Variants in LPA observed in about 807,000 individuals in gnomAD.
LPA encodes the protein apolipoprotein(a).
Under a neutral mutation model 197.9 loss-of-function variants are expected in LPA, and 199 were observed. That is an observed-to-expected ratio of 1.01 (90% CI 0.90 to 1.13). The LOEUF (loss-of-function observed/expected upper bound fraction) is 1.13, where lower values mean the gene tolerates loss of function less well. LPA is among the 50% of genes most tolerant of loss of function. The pLI is 0.00. For missense variants in LPA, 1,853 were observed against 1,785.8 expected (o/e 1.04, Z -0.68); for synonymous variants, 715 against 639.5 (o/e 1.12, Z -1.78).
intron 14 of LPA, among the ~76,000 whole-genome samples, chr6:160,615,256 A>T (rs1779571667): frequency 1.5e-5 from 2 of 137,674 alleles, no homozygotes; most frequent in African/African-American, 2.9e-5. Flanking sequence ...GGCTCGCTTA[A>T]TTTTATATTT....
intron 28 of LPA, among the ~76,000 whole-genome samples, chr6:160,565,708 C>T (rs997477123): frequency 1.3e-4 from 20 of 152,224 alleles, no homozygotes; most frequent in African/African-American, 3.6e-4. Flanking sequence ...AGGCTTCAGA[C>T]GATCTGTAAT....
intron 30 of LPA, among the ~76,000 whole-genome samples, chr6:160,553,954 T>TGTGTGTGTGTGTGTGCGCGCGC (rs771903485): frequency 7.6e-6 from 1 of 130,748 alleles, no homozygotes; most frequent in African/African-American, 3.0e-5. Flanking sequence ...TGTGTGTGTG[T>TGTGTGTGTGTGTGTGCGCGCGC]GCGCGCGCGC....
At chr6:160,544,165 T>C (rs1778026912) in intron 33 of LPA, among the ~76,000 whole-genome samples, 1 of 152,088 alleles carries the variant, frequency 6.6e-6, no homozygotes. Flanking sequence ...CAGGCACTAC[T>C]GTGGGTGTTT....
intron 1 of LPA, among the ~76,000 whole-genome samples, chr6:160,658,342 C>A (rs1780165563): frequency 6.6e-6 from 1 of 152,152 alleles, no homozygotes; most frequent in African/African-American, 2.4e-5. Flanking sequence ...TGCAGATCAG[C>A]TACTCGCATG....
chr6:160,586,573 A>G lies in LPA; in HGVS notation c.4005T>C (p.Tyr1335=). The change falls in exon 25 of 39, where the codon TAT becomes TAC. Residue 1335 remains tyrosine, a synonymous_variant. Transcript: ENST00000316300. Reference sequence around the variant, plus strand: ...CCCATCTGACACTGGGATCCATGGTATAACACCAAGGGCGAATCTCAGCAT... The same window carrying G: ...CCCATCTGACACTGGGATCCATGGTGTAACACCAAGGGCGAATCTCAGCAT... ...NPDAEIRPWC[Y]TMDPSVRWEY... is the part of the protein sequence containing the mutation. The G allele has an allele frequency of 6.2e-7, 1 of 1,613,808 alleles. No homozygotes were observed. The highest frequency in any genetic ancestry group is 8.5e-7 in the Non-Finnish European group (1 of 1,179,808).
chr6:160,594,390 C>G (rs1275697980), intron 21 of LPA, among the ~76,000 whole-genome samples: 1 of 152,188 alleles, frequency 6.6e-6, no homozygotes, highest in Non-Finnish European at 1.5e-5. Flanking sequence ...TGTGCATGCT[C>G]TTTAATATAG....
intron 20 of LPA, among the ~76,000 whole-genome samples, chr6:160,598,968 G>A (rs566301145): frequency 5.3e-5 from 8 of 152,222 alleles, no homozygotes; most frequent in East Asian, 3.9e-4. Context: ...TTGTCATCCC[G>A]GCTGTTTTAT....
chr6:160,598,289 T>C (rs1377324674), intron 20 of LPA, among the ~76,000 whole-genome samples: 1 of 152,218 alleles, frequency 6.6e-6, no homozygotes, highest in Non-Finnish European at 1.5e-5. Flanking sequence ...AGGAGACTTC[T>C]ATGCCTGGAG....
chr6:160,588,256 GT>G (rs201471654), intron 24 of LPA, among the ~76,000 whole-genome samples: 377 of 149,604 alleles, frequency 2.5e-3, no homozygotes, highest in African/African-American at 8.4e-3. Flanking sequence ...GGGGGGTTGA[GT>G]TTTTTTTTTC....
intron 28 of LPA, among the ~76,000 whole-genome samples, chr6:160,571,078 A>G (rs954868350): frequency 9.9e-5 from 15 of 151,900 alleles, no homozygotes; most frequent in African/African-American, 3.6e-4. Context: ...TTCATTCTTT[A>G]TTCCTTAATC....
chr6:160,559,523 A>G (rs1386686951), intron 28 of LPA, among the ~76,000 whole-genome samples: 1 of 152,244 alleles, frequency 6.6e-6, no homozygotes, highest in Non-Finnish European at 1.5e-5. Context: ...CTTGGGATAA[A>G]GATTCAGGAA....
At chr6:160,663,810 G>C (rs2115116521) in intron 1 of LPA, among the ~76,000 whole-genome samples, 1 of 152,348 alleles carries the variant, frequency 6.6e-6, no homozygotes, top group Admixed American at 6.5e-5. Flanking sequence ...CACCTGAACA[G>C]AGATGATATA....
At chr6:160,594,200 C>T (rs1779087202) in intron 21 of LPA, 83 bp from the exon 22 acceptor site, 5 of 1,546,646 alleles carry the variant, frequency 3.2e-6, no homozygotes, top group Non-Finnish European at 4.5e-6. Context: ...GAAACAGGAT[C>T]ATTGTCTCTG....
intron 30 of LPA, among the ~76,000 whole-genome samples, chr6:160,551,953 A>C (rs1778173667): frequency 7.0e-6 from 1 of 143,448 alleles, no homozygotes; most frequent in African/African-American, 2.6e-5. Context: ...TCATTCCATC[A>C]TCCAGGCTGG....
At chr6:160,654,348 T>C (rs1463154492) in intron 1 of LPA, among the ~76,000 whole-genome samples, 2 of 149,648 alleles carry the variant, frequency 1.3e-5, no homozygotes, top group Non-Finnish European at 2.9e-5. Flanking sequence ...CTGGCCACAC[T>C]GGAACTTGAT....
rs1046237317 is a variant in LPA at position 160,557,633 on chromosome 6, C to A, written c.4632-62G>T. ...GGAAAAAATTCAGGGGCACCCAGCG[C>A]TGTCTAAACTTTGTTATAACAAAGT... On this transcript the variant is annotated intron_variant, in intron 28 of 38. Transcript: ENST00000316300. 15 of 1,398,914 alleles carry A rather than the reference C, an allele frequency of 1.1e-5. No homozygotes were observed. In the African/African-American group the frequency reaches 2.0e-4, roughly 18 times the overall value. The allele number at this position is 1,398,914 out of a possible 1,614,324, so 86.7% of individuals were successfully genotyped here. A position where few individuals can be genotyped will look rare whatever the true frequency, so the allele number is the denominator to read the frequency against.
At chr6:160,576,127 T>C (rs1250582131) in intron 28 of LPA, among the ~76,000 whole-genome samples, 2 of 151,916 alleles carry the variant, frequency 1.3e-5, no homozygotes, top group Non-Finnish European at 2.9e-5. Flanking sequence ...TCATATATTT[T>C]ATAGTCATTT....
chr6:160,590,811 C>T (rs911236061), intron 23 of LPA, 133 bp downstream of exon 23: 13 of 1,273,416 alleles, frequency 1.0e-5, no homozygotes, highest in South Asian at 9.0e-5. Flanking sequence ...GCTGAGGCTT[C>T]CTTCCCATTG....
intron 37 of LPA, 139 bp downstream of exon 37, chr6:160,537,716 A>C: frequency 1.3e-6 from 1 of 760,392 alleles, no homozygotes; most frequent in South Asian, 1.5e-5. Flanking sequence ...AGACATAGAC[A>C]GGTGTCCAGG....
Sources: gnomAD v4.1 joint callset for allele counts (sites outside exome capture counted in the v4.1 genomes callset) on GRCh38, gnomAD v4.1.1 for gene constraint, MANE v1.5 for transcripts, NCBI Gene and HGNC (gene_info 2026-07-23, HGNC 2026-07-21) for gene names.